Variants in ARF3 observed in about 807,000 individuals in gnomAD.
ARF3 encodes ADP-ribosylation factor 3.
ARF3 carries 5 observed loss-of-function variants against 19.3 expected under a neutral mutation model. The observed-to-expected ratio is 0.26, with a 90% CI of 0.14 to 0.54. The LOEUF (loss-of-function observed/expected upper bound fraction) is 0.54, where lower values mean the gene tolerates loss of function less well. ARF3 is among the 20% of genes least tolerant of loss of function. The probability of loss-of-function intolerance (pLI) is 0.95; values close to 1 mark genes in which losing one functional copy is unlikely to be tolerated. For synonymous variants in ARF3, 71 were observed against 89.2 expected (o/e 0.80, Z 1.15); for missense variants, 77 against 234.2 (o/e 0.33, Z 4.38).
rs186845876 is a variant in ARF3 at position 48,936,341 on chromosome 12, A to G, written c.*2606T>C. ...CAGAGGAGGAACTGCAGTTACCACT[A>G]TAACACCACAGACAAACTTTGGGGT... On this transcript the variant is annotated 3_prime_UTR_variant, in exon 5 of 5. Coordinates refer to ENST00000256682, the MANE Select transcript of ARF3 (RefSeq NM_001659.3). 4 of 152,842 alleles carry G rather than the reference A, an allele frequency of 2.6e-5. No individual in the cohort carries two copies. Among genetic ancestry groups the G allele is most frequent in the East Asian group, 1.9e-4 (1 of 5,190 alleles). 9.5% of individuals were successfully genotyped at this position (152,842 alleles called of 1,614,324 possible).
In ARF3 at chr12:48,948,153, C is replaced by T. The variant is rs755150007; in HGVS notation, c.-93-6965G>A. On this transcript the variant is annotated intron_variant, in intron 1 of 4. Transcript: ENST00000256682. ...CCAGGAAGTTGTGGCTGCAGTGAGC[C>T]ATGATCACGCCACTGCACTCCAGCC... Among the ~76,000 whole-genome samples the T allele has an allele frequency of 2.6e-5, 4 of 151,088 alleles. No individual in the cohort carries two copies. The South Asian group carries it at 8.4e-4, about 32-fold the overall frequency.
chr12:48,951,252 T>C (rs934213419), intron 1 of ARF3, among the ~76,000 whole-genome samples: 1 of 152,238 alleles, frequency 6.6e-6, no homozygotes, highest in African/African-American at 2.4e-5. Context: ...GAAACCTGCC[T>C]GACATTTCAA....
rs1472362653 is a variant in ARF3 at position 48,938,727 on chromosome 12, A to AT, written c.*219dup. 2 of 607,760 alleles carry AT rather than the reference A, an allele frequency of 3.3e-6. No homozygotes were observed. The highest frequency in any genetic ancestry group is 3.7e-5 in the African/African-American group (2 of 53,854). 37.6% of individuals were successfully genotyped at this position (607,760 alleles called of 1,614,324 possible). A position where few individuals can be genotyped will look rare whatever the true frequency, so the allele number is the denominator to read the frequency against. On this transcript the variant is annotated 3_prime_UTR_variant, in exon 5 of 5. Coordinates refer to ENST00000256682, the MANE Select transcript of ARF3 (RefSeq NM_001659.3). ...CAACTTTTTGTTTTAAATCCAGTAA[A>AT]TTGGAATGACTCATCATCAGGACAG...
At position 48,940,313 on chromosome 12, in the gene ARF3, G is replaced by C. The variant is rs560262875; in HGVS notation, c.149-206C>G. 2.6e-4 allele frequency among the ~76,000 whole-genome samples: 40 copies of C among 152,360 alleles called. 1 individual carries two copies. The East Asian group carries it at 6.0e-3, about 23-fold the overall frequency. ...ACCTAAGAGAAGTCAAAGAGGATGAGGAAGTTGGTTGAGAGGTTCACAGTT... is the reference window on the plus strand; with the variant it reads ...ACCTAAGAGAAGTCAAAGAGGATGACGAAGTTGGTTGAGAGGTTCACAGTT... On this transcript the variant is annotated intron_variant, in intron 2 of 4. Coordinates refer to ENST00000256682, the MANE Select transcript of ARF3 (RefSeq NM_001659.3).
chr12:48,943,138 C>A (rs1049371986), intron 1 of ARF3, among the ~76,000 whole-genome samples: 21 of 152,210 alleles, frequency 1.4e-4, no homozygotes, highest in African/African-American at 4.8e-4. Flanking sequence ...ATAACAACAA[C>A]AAATACCTGC....
intron 1 of ARF3, among the ~76,000 whole-genome samples, chr12:48,948,994 T>C (rs1436078167): frequency 6.6e-6 from 1 of 152,074 alleles, no homozygotes; most frequent in Non-Finnish European, 1.5e-5. Flanking sequence ...GGTATAGTAA[T>C]ACAGGTGAGA....
intron 1 of ARF3, among the ~76,000 whole-genome samples, chr12:48,954,497 A>G (rs1186050767): frequency 6.6e-6 from 1 of 152,174 alleles, no homozygotes; most frequent in African/African-American, 2.4e-5. Flanking sequence ...GGTGCTTTAC[A>G]TTTATCTCAT....
intron 1 of ARF3, chr12:48,955,557 G>A (rs536179910): frequency 6.6e-6 from 1 of 152,144 alleles, no homozygotes; most frequent in African/African-American, 2.4e-5. Flanking sequence ...AAAGGCTAAG[G>A]GTCTTTGTAC....
chr12:48,938,638 A>G lies in ARF3; in HGVS notation c.*309T>C. The G allele has an allele frequency of 2.3e-6, 1 of 430,782 alleles. No individual in the cohort carries two copies. The highest frequency in any genetic ancestry group is 4.6e-6 in the Non-Finnish European group (1 of 219,656). The allele number at this position is 430,782 out of a possible 1,614,324, so 26.7% of individuals were successfully genotyped here. On this transcript the variant is annotated 3_prime_UTR_variant, in exon 5 of 5. Coordinates refer to ENST00000256682, the MANE Select transcript of ARF3 (RefSeq NM_001659.3). The stretch of plus-strand genomic sequence containing the variant: ...GCAACCACTGCCAAACAAAGAGAAT[A>G]CCCCACTCGACCTCCCGAAACCCAG...
At chr12:48,951,752 G>A (rs1474517674) in intron 1 of ARF3, among the ~76,000 whole-genome samples, 3 of 151,712 alleles carry the variant, frequency 2.0e-5, no homozygotes, top group South Asian at 2.1e-4. Flanking sequence ...GGTGGCGCAC[G>A]CCTGTAATCC....
At chr12:48,954,912 G>A (rs1198447264) in intron 1 of ARF3, among the ~76,000 whole-genome samples, 1 of 152,186 alleles carries the variant, frequency 6.6e-6, no homozygotes, top group Non-Finnish European at 1.5e-5. Context: ...CCAGCTACTT[G>A]AGAAGCTGAA....
Position 48,940,011 on chromosome 12 carries a change from A to T in ARF3, c.245T>A (p.Phe82Tyr). 2 of 1,614,110 alleles carry T rather than the reference A, an allele frequency of 1.2e-6. No homozygotes were observed. The highest frequency in any genetic ancestry group is 1.7e-6 in the Non-Finnish European group (2 of 1,179,990). The change falls in exon 3 of 5, where the codon TTC (phenylalanine) becomes TAC (tyrosine). Residue 82 changes from phenylalanine to tyrosine, a missense_variant. This residue lies in a region of ARF3 where 15 missense variants were observed against 96.6 expected (regional missense o/e 0.16). Coordinates refer to ENST00000256682, the MANE Select transcript of ARF3 (RefSeq NM_001659.3). ...CCTGAGCATACCTTGGGTGTTCTGG[A>T]AGTAGTGTCTCCAGAGGGGTCGAAT... is the stretch of plus-strand genomic sequence containing the variant. The part of the protein sequence containing the change: ...DKIRPLWRHY[F>Y]QNTQGLIFVV...
intron 1 of ARF3, among the ~76,000 whole-genome samples, chr12:48,948,145 C>T (rs1592242282): frequency 6.6e-6 from 1 of 151,118 alleles, no homozygotes. Flanking sequence ...GTTGTGGCTG[C>T]AGTGAGCCAT....
intron 1 of ARF3, among the ~76,000 whole-genome samples, chr12:48,953,928 G>C (rs544659644): frequency 6.6e-6 from 1 of 152,244 alleles, no homozygotes; most frequent in Non-Finnish European, 1.5e-5. Context: ...CAATTTCTAG[G>C]CCATGATATT....
rs775875012 is a variant in ARF3 at position 48,939,739 on chromosome 12, T to G, written c.300A>C (p.Val100=). Residue 100 remains valine (V), a synonymous_variant, in exon 4 of 5, where the codon GTA becomes GTC. Transcript: ENST00000256682. This position sits in a 1 kb window ranked among gnomAD's most constrained non-coding sequence, Gnocchi z 4.8. The part of the protein sequence containing the change: ...FVVDSNDRER[V]NEAREELMRM... ...TCATCAGCTCTTCCCGGGCCTCATT[T>G]ACTCGCTCCCGATCATTGCTGTCGA... 5.9e-5 allele frequency: 95 copies of G among 1,614,060 alleles called. No individual in the cohort carries two copies. Among genetic ancestry groups the G allele is most frequent in the Non-Finnish European group, 7.5e-5 (89 of 1,180,048 alleles).
At chr12:48,954,495 AC>A (rs1428693787) in intron 1 of ARF3, among the ~76,000 whole-genome samples, 1 of 152,230 alleles carries the variant, frequency 6.6e-6, no homozygotes, top group Non-Finnish European at 1.5e-5. Context: ...CAGGTGCTTT[AC>A]ATTTATCTCA....
At position 48,935,725 on chromosome 12, in the gene ARF3, C is replaced by T. The variant is rs769644200; in HGVS notation, c.*3222G>A. The T allele has an allele frequency of 6.6e-6, 1 of 152,218 alleles. No individual in the cohort carries two copies. Among genetic ancestry groups the T allele is most frequent in the East Asian group, 1.9e-4 (1 of 5,200 alleles). 9.4% of individuals were successfully genotyped at this position (152,218 alleles called of 1,614,324 possible). ...GATTAAGGTCATTACACTGCCCAGACGTTTATCCTTCATGTTTATTCACTG... is the reference window on the plus strand; with the variant it reads ...GATTAAGGTCATTACACTGCCCAGATGTTTATCCTTCATGTTTATTCACTG... On this transcript the variant is annotated 3_prime_UTR_variant, in exon 5 of 5. Coordinates refer to ENST00000256682, the MANE Select transcript of ARF3 (RefSeq NM_001659.3).
In ARF3 at chr12:48,938,918, T is replaced by C. The variant is rs747902649; in HGVS notation, c.*29A>G. 6.2e-7 allele frequency: 1 copy of C among 1,602,296 alleles called. No homozygotes were observed. The highest frequency in any genetic ancestry group is 1.7e-5 in the Admixed American group (1 of 59,498). ...TGACAGTAGGTATGTCAGGGGTGGG[T>C]GGGGTGCTTTGTTAGGGCTGTCTGG... On this transcript the variant is annotated 3_prime_UTR_variant, in exon 5 of 5. Coordinates refer to ENST00000256682, the MANE Select transcript of ARF3 (RefSeq NM_001659.3).
intron 2 of ARF3, among the ~76,000 whole-genome samples, chr12:48,940,692 G>A (rs1314214666): frequency 6.6e-6 from 1 of 152,214 alleles, no homozygotes; most frequent in Non-Finnish European, 1.5e-5. Context: ...ACACAGAGAA[G>A]AAACCAACTC....
Sources: gnomAD v4.1 joint callset for allele counts (sites outside exome capture counted in the v4.1 genomes callset) on GRCh38, gnomAD v4.1.1 for gene constraint, gnomAD v4.1.1 regional missense constraint, Gnocchi (gnomAD v3.1) non-coding constraint, MANE v1.5 for transcripts, NCBI Gene and HGNC (gene_info 2026-07-23, HGNC 2026-07-21) for gene names.